The following ZNF385D variants were observed in gnomAD, a reference collection of about 807,000 sequenced individuals.
The protein encoded by ZNF385D is zinc finger protein 659.
A neutral mutation model predicts 35.8 loss-of-function variants in ZNF385D; 15 were observed. The ratio of observed to expected loss-of-function variants is 0.42; its 90% confidence interval spans 0.28 to 0.64. The LOEUF (loss-of-function observed/expected upper bound fraction) is 0.64, where lower values mean the gene tolerates loss of function less well. Ranked by LOEUF, ZNF385D falls within the 30% of genes least tolerant of loss-of-function variation. The pLI is 0.23. For missense variants in ZNF385D, 474 were observed against 494.6 expected (o/e 0.96, Z 0.39); for synonymous variants, 212 against 186.8 (o/e 1.13, Z -1.10).
At chr3:22,212,214 A>C (rs1697570319) in intron 2 of ZNF385D, among the ~76,000 whole-genome samples, 1 of 152,006 alleles carries the variant, frequency 6.6e-6, no homozygotes, top group Non-Finnish European at 1.5e-5. Flanking sequence ...TGGAAGAAGG[A>C]GGTGACCATC....
intron 3 of ZNF385D, among the ~76,000 whole-genome samples, chr3:21,993,870 C>T (rs1193355103): frequency 2.0e-5 from 3 of 152,070 alleles, no homozygotes; most frequent in African/African-American, 7.2e-5. Context: ...AAATGAGTAA[C>T]ATCTCCTTTT....
intron 1 of ZNF385D, among the ~76,000 whole-genome samples, chr3:21,676,204 G>T (rs1277749774): frequency 6.6e-6 from 1 of 152,000 alleles, no homozygotes. Context: ...AGCTTCCAAG[G>T]TTTAGGAACT....
intron 2 of ZNF385D, among the ~76,000 whole-genome samples, chr3:22,270,208 A>G (rs1354058872): frequency 2.0e-5 from 3 of 152,018 alleles, no homozygotes; most frequent in African/African-American, 7.2e-5. Flanking sequence ...CTCAAATGGT[A>G]CACTGTGGTC....
At position 22,343,273 on chromosome 3, in the gene ZNF385D, A is replaced by G. The variant is rs180834936; in HGVS notation, c.106+29177T>C. Among the ~76,000 whole-genome samples the G allele has an allele frequency of 1.5e-4, 23 of 152,328 alleles. No individual in the cohort carries two copies. In the East Asian group the frequency reaches 4.4e-3, roughly 29 times the overall value. ...TTGAAATCACTCACTAAACAAAACAAAACAACCCAGCAATGATTTTGACAG... is the reference window on the plus strand; with the variant it reads ...TTGAAATCACTCACTAAACAAAACAGAACAACCCAGCAATGATTTTGACAG... On this transcript the variant is annotated intron_variant, in intron 2 of 5. Coordinates refer to the ZNF385D transcript ENST00000494108.
chr3:22,043,324 T>G (rs1428721738), intron 3 of ZNF385D, among the ~76,000 whole-genome samples: 1 of 152,188 alleles, frequency 6.6e-6, no homozygotes, highest in Non-Finnish European at 1.5e-5. Flanking sequence ...TTATGTTTCT[T>G]ACAGTTTAGG....
At chr3:22,122,111 A>T (rs1211090676) in intron 3 of ZNF385D, among the ~76,000 whole-genome samples, 1 of 152,038 alleles carries the variant, frequency 6.6e-6, no homozygotes, top group East Asian at 1.9e-4. Flanking sequence ...TTCTTTATCA[A>T]GTTTTCTTTT....
chr3:21,813,810 T>A (rs997731681), intron 3 of ZNF385D, among the ~76,000 whole-genome samples: 7 of 152,102 alleles, frequency 4.6e-5, no homozygotes, highest in African/African-American at 1.7e-4. Flanking sequence ...CTCCCCAATC[T>A]AGCAAGGCAG....
chr3:21,586,835 A>G (rs531252209), intron 2 of ZNF385D, among the ~76,000 whole-genome samples: 1 of 152,302 alleles, frequency 6.6e-6, no homozygotes, highest in Non-Finnish European at 1.5e-5. Flanking sequence ...AAACATAAAT[A>G]TATTTTAATT....
chr3:21,774,807 T>G (rs575398728), intron 3 of ZNF385D, among the ~76,000 whole-genome samples: 51 of 151,970 alleles, frequency 3.4e-4, no homozygotes, highest in African/African-American at 1.2e-3. Flanking sequence ...ATGTCCAGCT[T>G]AGGGGAAAAG....
At chr3:21,748,337 C>T (rs1157579967) in intron 1 of ZNF385D, among the ~76,000 whole-genome samples, 1 of 149,782 alleles carries the variant, frequency 6.7e-6, no homozygotes, top group African/African-American at 2.5e-5. Context: ...GTCCAGTTGT[C>T]CAGTCCCAAG....
intron 3 of ZNF385D, among the ~76,000 whole-genome samples, chr3:22,139,483 G>C (rs1378209228): frequency 6.6e-6 from 1 of 151,994 alleles, no homozygotes; most frequent in Non-Finnish European, 1.5e-5. Flanking sequence ...GATGAAGCTG[G>C]AAACCATCAT....
chr3:21,787,310 C>A (rs2071729782), intron 3 of ZNF385D, among the ~76,000 whole-genome samples: 2 of 152,088 alleles, frequency 1.3e-5, no homozygotes, highest in African/African-American at 4.8e-5. Flanking sequence ...CTTTCTCCAA[C>A]TGAGAAAATG....
intron 2 of ZNF385D, among the ~76,000 whole-genome samples, chr3:22,172,528 G>A (rs917599935): frequency 3.3e-5 from 5 of 152,158 alleles, no homozygotes; most frequent in Admixed American, 2.6e-4. Context: ...CTTTGCCAAA[G>A]GACCAGCTGT....
At chr3:22,200,199 C>A (rs1477150795) in intron 2 of ZNF385D, among the ~76,000 whole-genome samples, 1 of 152,066 alleles carries the variant, frequency 6.6e-6, no homozygotes, top group Non-Finnish European at 1.5e-5. Context: ...ATTCACTTTT[C>A]ATTAAACTTT....
At chr3:21,511,765 A>T (rs1436011480) in intron 3 of ZNF385D, 1 of 456,234 alleles carries the variant, frequency 2.2e-6, no homozygotes, top group Admixed American at 2.4e-5. Flanking sequence ...CATCTGAGAT[A>T]TATAGAGAGA....
intron 3 of ZNF385D, among the ~76,000 whole-genome samples, chr3:21,803,695 A>G (rs1256858047): frequency 6.6e-6 from 1 of 152,200 alleles, no homozygotes; most frequent in African/African-American, 2.4e-5. Flanking sequence ...ATCAAGGAAC[A>G]AAAGCATTTT....
Position 21,421,126 on chromosome 3 carries a change from A to G in ZNF385D, c.*88T>C, listed in dbSNP as rs543413891. Reference sequence around the variant, plus strand: ...TGGCTCTTCAGATATACTTTAAACTATAAATAAACACTGCATAGTTCTCTT... The same window carrying G: ...TGGCTCTTCAGATATACTTTAAACTGTAAATAAACACTGCATAGTTCTCTT... On this transcript the variant is annotated 3_prime_UTR_variant, in exon 8 of 8. Transcript: ENST00000281523. The G allele has an allele frequency of 4.8e-5, 53 of 1,097,542 alleles. No individual in the cohort carries two copies. Among genetic ancestry groups the G allele is most frequent in the East Asian group, 2.3e-4 (9 of 38,346 alleles). The allele number at this position is 1,097,542 out of a possible 1,614,324, so 68.0% of individuals were successfully genotyped here. A position where few individuals can be genotyped will look rare whatever the true frequency, so the allele number is the denominator to read the frequency against.
chr3:21,930,862 T>C (rs1217021872), intron 3 of ZNF385D, among the ~76,000 whole-genome samples: 1 of 152,036 alleles, frequency 6.6e-6, no homozygotes. Flanking sequence ...AACTATGAGA[T>C]ATACAGGAGA....
At chr3:22,370,223 G>A (rs888120179) in intron 2 of ZNF385D, among the ~76,000 whole-genome samples, 7 of 152,130 alleles carry the variant, frequency 4.6e-5, no homozygotes, top group Non-Finnish European at 1.5e-5. Flanking sequence ...AAATATGGAA[G>A]TGTTCATGTA....
Sources: gnomAD v4.1 joint callset for allele counts (sites outside exome capture counted in the v4.1 genomes callset) on GRCh38, gnomAD v4.1.1 for gene constraint, MANE v1.5 for transcripts, NCBI Gene and HGNC (gene_info 2026-07-23, HGNC 2026-07-21) for gene names.